The following LRRC4C variants were observed in gnomAD, a reference collection of about 807,000 sequenced individuals.
LRRC4C encodes the protein leucine rich repeat containing 4C.
A neutral mutation model predicts 33.6 loss-of-function variants in LRRC4C; 5 were observed. The observed-to-expected ratio is 0.15, with a 90% CI of 0.08 to 0.31. The LOEUF is 0.31. Ranked by LOEUF, LRRC4C falls within the 10% of genes least tolerant of loss-of-function variation. LRRC4C has a pLI of 1.00. For synonymous variants in LRRC4C, 329 were observed against 302.0 expected, an observed-to-expected ratio of 1.09 and a Z score of -0.93; for missense variants, 560 against 796.7, an observed-to-expected ratio of 0.70 and a Z score of 3.58.
chr11:40,723,516 A>G (rs1947132522), intron 2 of LRRC4C, among the ~76,000 whole-genome samples: 3 of 152,198 alleles, frequency 2.0e-5, no homozygotes, highest in Admixed American at 2.0e-4. Context: ...ACGAAGCTTG[A>G]TAAGCAAAGG....
At chr11:40,343,008 C>T (rs116444761) in intron 3 of LRRC4C, among the ~76,000 whole-genome samples, 2,463 of 151,878 alleles carry the variant, frequency 0.016, 51 homozygotes, top group African/African-American at 0.05. Flanking sequence ...AACTTGCTAC[C>T]GCATTTTTTT....
chr11:40,506,781 G>A (rs1244797622), intron 3 of LRRC4C, among the ~76,000 whole-genome samples: 1 of 151,910 alleles, frequency 6.6e-6, no homozygotes, highest in Non-Finnish European at 1.5e-5. Context: ...ACAACAATAG[G>A]CTAACAAATA....
chr11:41,250,438 G>C (rs1039726172), intron 1 of LRRC4C, among the ~76,000 whole-genome samples: 6 of 152,306 alleles, frequency 3.9e-5, no homozygotes, highest in African/African-American at 1.4e-4. Context: ...ACACTGCCTT[G>C]TGTCACTTTG....
At chr11:40,589,520 A>G (rs1302955963) in intron 3 of LRRC4C, among the ~76,000 whole-genome samples, 1 of 149,480 alleles carries the variant, frequency 6.7e-6, no homozygotes, top group African/African-American at 2.4e-5. Context: ...TCCTGTCATT[A>G]TGATGTTAGC....
chr11:40,225,685 C>T (rs1016267357), intron 5 of LRRC4C, among the ~76,000 whole-genome samples: 4 of 149,736 alleles, frequency 2.7e-5, no homozygotes, highest in Non-Finnish European at 5.9e-5. Flanking sequence ...GGCACGATCT[C>T]GGCTCACAGC....
intron 2 of LRRC4C, among the ~76,000 whole-genome samples, chr11:40,878,872 C>T (rs1412356106): frequency 3.3e-5 from 5 of 152,096 alleles, no homozygotes; most frequent in Non-Finnish European, 5.9e-5. Context: ...GTTGAACTGA[C>T]ATTGTTTCCT....
chr11:40,349,012 A>G (rs1484834786), intron 3 of LRRC4C, among the ~76,000 whole-genome samples: 1 of 152,218 alleles, frequency 6.6e-6, no homozygotes, highest in Non-Finnish European at 1.5e-5. Context: ...CATATAATGC[A>G]TAATAATCAT....
At chr11:40,591,462 G>A (rs144310363) in intron 3 of LRRC4C, among the ~76,000 whole-genome samples, 2,126 of 152,318 alleles carry the variant, frequency 0.014, 52 homozygotes, top group African/African-American at 0.048. Flanking sequence ...GCTGGGAGCT[G>A]TAGACCGGAG....
intron 1 of LRRC4C, among the ~76,000 whole-genome samples, chr11:41,026,826 T>C (rs1221815195): frequency 1.3e-5 from 2 of 151,542 alleles, no homozygotes; most frequent in African/African-American, 4.8e-5. Context: ...AAATTTAGGA[T>C]GTAATTTTTT....
intron 1 of LRRC4C, among the ~76,000 whole-genome samples, chr11:41,311,282 A>C (rs1377872481): frequency 6.6e-6 from 1 of 152,186 alleles, no homozygotes; most frequent in African/African-American, 2.4e-5. Flanking sequence ...CTCAGTGCTG[A>C]TGAGTCTTGC....
chr11:40,333,845 G>A (rs1416749391), intron 3 of LRRC4C, among the ~76,000 whole-genome samples: 1 of 151,856 alleles, frequency 6.6e-6, no homozygotes, highest in Non-Finnish European at 1.5e-5. Context: ...CCAGTGGTCA[G>A]ATCACCGCTA....
At chr11:40,833,668 T>A (rs1009124996) in intron 2 of LRRC4C, among the ~76,000 whole-genome samples, 4 of 152,138 alleles carry the variant, frequency 2.6e-5, no homozygotes, top group Admixed American at 2.6e-4. Flanking sequence ...CAAATGATTA[T>A]TTTTCTATCA....
chr11:41,188,164 C>T (rs1348605768), intron 1 of LRRC4C, among the ~76,000 whole-genome samples: 5 of 152,070 alleles, frequency 3.3e-5, no homozygotes, highest in Non-Finnish European at 4.4e-5. Flanking sequence ...CCACCCAACA[C>T]ACAAACACAG....
chr11:41,002,420 T>G (rs1403043753), intron 1 of LRRC4C, among the ~76,000 whole-genome samples: 3 of 152,230 alleles, frequency 2.0e-5, no homozygotes, highest in Middle Eastern at 3.4e-3. Context: ...CAGCTCCTAT[T>G]AAAATTAGAG....
At chr11:40,139,875 A>G (rs1000326673) in intron 6 of LRRC4C, among the ~76,000 whole-genome samples, 2 of 152,204 alleles carry the variant, frequency 1.3e-5, no homozygotes, top group African/African-American at 4.8e-5. Flanking sequence ...CCGAAGAAAC[A>G]TGATGTGAAG....
chr11:40,997,228 A>G (rs564339559), intron 1 of LRRC4C, among the ~76,000 whole-genome samples: 1 of 152,218 alleles, frequency 6.6e-6, no homozygotes, highest in African/African-American at 2.4e-5. Context: ...TAAGAGAGAG[A>G]AGAGATGAGG....
intron 1 of LRRC4C, among the ~76,000 whole-genome samples, chr11:41,023,540 C>T (rs1187021912): frequency 6.6e-6 from 1 of 151,716 alleles, no homozygotes; most frequent in Non-Finnish European, 1.5e-5. Context: ...TTCCCATGGA[C>T]AGAATAACAT....
intron 3 of LRRC4C, among the ~76,000 whole-genome samples, chr11:40,642,107 T>G (rs901987450): frequency 6.6e-6 from 1 of 151,734 alleles, no homozygotes; most frequent in Admixed American, 6.6e-5. Context: ...ACCCAAAGAC[T>G]ACCAGTCTCT....
At chr11:41,252,388 G>A (rs1246564702) in intron 1 of LRRC4C, among the ~76,000 whole-genome samples, 1 of 152,088 alleles carries the variant, frequency 6.6e-6, no homozygotes, top group Non-Finnish European at 1.5e-5. Context: ...TATCAAACTG[G>A]CAAGCTGGAA....
Sources: allele counts gnomAD v4.1 joint callset (sites outside exome capture counted in the v4.1 genomes callset), GRCh38; gene constraint gnomAD v4.1.1; transcripts MANE v1.5; gene names NCBI Gene and HGNC (gene_info 2026-07-23, HGNC 2026-07-21).